DOCK8: variants seen among roughly 807,000 people sequenced by gnomAD.
The protein encoded by DOCK8 is dedicator of cytokinesis 8, also known as dedicator of cytokinesis protein 8.
Under a neutral mutation model 245.6 loss-of-function variants are expected in DOCK8, and 141 were observed. The ratio of observed to expected loss-of-function variants is 0.57; its 90% CI spans 0.50 to 0.66. The LOEUF is 0.66. Among genes scored for constraint, DOCK8 ranks in the 30% least tolerant of loss-of-function variants. The pLI, the probability that DOCK8 is intolerant of heterozygous loss-of-function variation, is 0.00. For synonymous variants in DOCK8, 1,168 were observed against 970.2 expected, an observed-to-expected ratio of 1.20 and a Z score of -3.79; for missense variants, 2,965 against 2,603.4, an observed-to-expected ratio of 1.14 and a Z score of -3.02.
intron 30 of DOCK8, 40 bp downstream of exon 30, chr9:418,247 A>C: frequency 6.2e-7 from 1 of 1,611,952 alleles, no homozygotes; most frequent in South Asian, 1.1e-5. Context: ...TTTTCATTTC[A>C]TGTCTTCTGT....
intron 1 of DOCK8, among the ~76,000 whole-genome samples, chr9:234,580 G>T (rs2047202511): frequency 6.6e-6 from 1 of 152,142 alleles, no homozygotes; most frequent in Non-Finnish European, 1.5e-5. Flanking sequence ...ATATTTCTTG[G>T]AGGCTTTGTT....
At chr9:388,320 T>C (rs1448830778) in intron 23 of DOCK8, among the ~76,000 whole-genome samples, 2 of 152,208 alleles carry the variant, frequency 1.3e-5, no homozygotes. Flanking sequence ...ATTAAAATTA[T>C]TAAGGTTTGA....
intron 28 of DOCK8, among the ~76,000 whole-genome samples, chr9:411,461 C>T (rs72705614): frequency 0.013 from 2,020 of 152,014 alleles, 26 homozygotes; most frequent in Non-Finnish European, 0.022. Context: ...AAACTTCCTA[C>T]AATAAAAGCT....
intron 28 of DOCK8, among the ~76,000 whole-genome samples, chr9:411,734 ATACACCATGG>A (rs2055741086): frequency 1.3e-5 from 2 of 152,168 alleles, no homozygotes; most frequent in South Asian, 4.1e-4. Flanking sequence ...AAAAAGGATT[ATACACCATGG>A]CTAAGTAGGA....
rs536312164 is a variant in DOCK8 at position 324,983 on chromosome 9, C to T, written c.828-688C>T. Among the ~76,000 whole-genome samples the T allele has an allele frequency of 2.0e-5, 3 of 152,238 alleles. No homozygotes were observed. The South Asian group carries it at 6.2e-4, about 32-fold the overall frequency. On this transcript the variant is annotated intron_variant, in intron 7 of 47. Coordinates refer to ENST00000432829, the MANE Select transcript of DOCK8 (RefSeq NM_203447.4). Reference sequence around the variant, plus strand: ...TTATCCCTCATCCCCCTCTACTCTCCTGCTTCTGAGTCTCCAAGGTCCATT... The same window carrying T: ...TTATCCCTCATCCCCCTCTACTCTCTTGCTTCTGAGTCTCCAAGGTCCATT...
intron 4 of DOCK8, among the ~76,000 whole-genome samples, chr9:291,555 A>T (rs1240613513): frequency 6.6e-6 from 1 of 152,154 alleles, no homozygotes; most frequent in East Asian, 1.9e-4. Flanking sequence ...CAATACAATG[A>T]TTGATGATTG....
intron 33 of DOCK8, among the ~76,000 whole-genome samples, chr9:423,399 C>T (rs750772103): frequency 3.9e-5 from 6 of 152,128 alleles, no homozygotes; most frequent in African/African-American, 9.7e-5. Context: ...AGCAAAATGT[C>T]GTAGAGCTAA....
At chr9:273,581 T>C (rs149609101) in intron 2 of DOCK8, among the ~76,000 whole-genome samples, 10 of 152,336 alleles carry the variant, frequency 6.6e-5, no homozygotes, top group African/African-American at 2.4e-4. Flanking sequence ...AGGCTGCAGC[T>C]TTCTGCAGTA....
Position 434,976 on chromosome 9 carries a change from G to T in DOCK8, c.5079+1G>T. ...GCCCGTGGGCAGTGTCAGCTTCCAGGTAGGGTGTGTGCAGCTTTTCCCTTA... is the reference window on the plus strand; with the variant it reads ...GCCCGTGGGCAGTGTCAGCTTCCAGTTAGGGTGTGTGCAGCTTTTCCCTTA... On this transcript the variant is annotated splice_donor_variant, in intron 39 of 47. Coordinates refer to ENST00000432829, the MANE Select transcript of DOCK8 (RefSeq NM_203447.4). LOFTEE classifies it high-confidence loss of function. The T allele has an allele frequency of 6.2e-7, 1 of 1,612,318 alleles. No individual in the cohort carries two copies. Among genetic ancestry groups the T allele is most frequent in the African/African-American group, 1.3e-5 (1 of 75,010 alleles).
intron 28 of DOCK8, among the ~76,000 whole-genome samples, chr9:410,410 AT>A (rs1415642113): frequency 6.6e-6 from 1 of 151,966 alleles, no homozygotes; most frequent in East Asian, 1.9e-4. Context: ...TTTCAACTGT[AT>A]GTCATATTCC....
intron 33 of DOCK8, among the ~76,000 whole-genome samples, chr9:426,529 C>T (rs901939312): frequency 6.6e-6 from 1 of 152,154 alleles, no homozygotes; most frequent in African/African-American, 2.4e-5. Context: ...GGTTTTCATG[C>T]GTGAAATACA....
At chr9:299,322 G>A (rs1179366017) in intron 4 of DOCK8, among the ~76,000 whole-genome samples, 3 of 152,130 alleles carry the variant, frequency 2.0e-5, no homozygotes, top group African/African-American at 4.8e-5. Context: ...TATAAAATCC[G>A]TGTGAGAATT....
chr9:338,814 A>G (rs1303006252), intron 12 of DOCK8, among the ~76,000 whole-genome samples, 192 bp from the exon 13 acceptor site: 2 of 152,226 alleles, frequency 1.3e-5, no homozygotes, highest in East Asian at 1.9e-4. Context: ...GCCGAGGCAC[A>G]GTGAGTCACA....
intron 40 of DOCK8, among the ~76,000 whole-genome samples, chr9:440,082 A>C (rs2057043807): frequency 6.6e-6 from 1 of 152,166 alleles, no homozygotes; most frequent in Admixed American, 6.5e-5. Context: ...GCAGTGGTGC[A>C]ATCATGGCTC....
At chr9:253,696 G>A (rs377552895) in intron 1 of DOCK8, among the ~76,000 whole-genome samples, 15 of 152,198 alleles carry the variant, frequency 9.9e-5, no homozygotes, top group African/African-American at 2.7e-4. Context: ...AGAAAGAGCC[G>A]TGTGGGTGTT....
intron 1 of DOCK8, among the ~76,000 whole-genome samples, chr9:226,200 G>A (rs1009363120): frequency 1.3e-5 from 2 of 152,158 alleles, no homozygotes; most frequent in Non-Finnish European, 2.9e-5. Context: ...TATCTTAAAC[G>A]GCGGCAGGCA....
rs149107240 is a variant in DOCK8 at position 371,170 on chromosome 9, G to GTTTTTTT, written c.1869-256_1869-255insTTTTTTT. ...TTGGAGTTTTCCATTGTGTGGGGGA[G>GTTTTTTT]TTGTTTTTTGTTTTTTGTTTTTTGT... is the stretch of plus-strand genomic sequence containing the variant. On this transcript the variant is annotated intron_variant, in intron 16 of 47. Transcript: ENST00000432829. Among the ~76,000 whole-genome samples the GTTTTTTT allele has an allele frequency of 0.11, 16,036 of 151,344 alleles. 1,882 individuals are homozygous for GTTTTTTT. Among genetic ancestry groups the GTTTTTTT allele is most frequent in the African/African-American group, 0.29 (11,948 of 41,022 alleles).
chr9:286,337 TTTTATGCCAGGAGCGAAG>T, intron 2 of DOCK8, 106 bp from the exon 3 acceptor site: 1 of 1,113,260 alleles, frequency 9.0e-7, no homozygotes, highest in Non-Finnish European at 1.3e-6. Flanking sequence ...AGTCGCTCCG[TTTTATGCCAGGAGCGAAG>T]TACTTACTAA....
chr9:327,511 C>T (rs1178651911), intron 8 of DOCK8, among the ~76,000 whole-genome samples: 1 of 151,844 alleles, frequency 6.6e-6, no homozygotes, highest in African/African-American at 2.4e-5. Flanking sequence ...CATCCTCCCA[C>T]CTCAGCGTCC....
Sources: gnomAD v4.1 joint callset for allele counts (sites outside exome capture counted in the v4.1 genomes callset) on GRCh38, gnomAD v4.1.1 for gene constraint, MANE v1.5 for transcripts, NCBI Gene and HGNC (gene_info 2026-07-23, HGNC 2026-07-21) for gene names.